The following TXNRD2 variants were observed in gnomAD, a reference collection of about 807,000 sequenced individuals.
The protein encoded by TXNRD2 is thioredoxin reductase 2.
In TXNRD2, 67 loss-of-function variants were observed where a neutral mutation model predicts 70.8. That is an observed-to-expected ratio of 0.95 (90% CI 0.78 to 1.16). TXNRD2 has a LOEUF of 1.16. Among genes scored for constraint, TXNRD2 ranks in the 50% most tolerant of loss-of-function variants. The pLI is 0.00. For synonymous variants in TXNRD2, 301 were observed against 295.8 expected, an observed-to-expected ratio of 1.02 and a Z score of -0.18; for missense variants, 644 against 719.9, an observed-to-expected ratio of 0.89 and a Z score of 1.21.
chr22:19,920,929 T>C lies in TXNRD2; in HGVS notation c.173-1330A>G, dbSNP rs191649197. ...CATCCTGGCTAACACGGTGAAACCCTGTCTCTACTAAAAAATACAAAAACA... is the reference window on the plus strand; with the variant it reads ...CATCCTGGCTAACACGGTGAAACCCCGTCTCTACTAAAAAATACAAAAACA... On this transcript the variant is annotated intron_variant, in intron 2 of 17. Transcript: ENST00000400521. 5.8e-3 allele frequency among the ~76,000 whole-genome samples: 878 copies of C among 152,040 alleles called. 8 individuals are homozygous for C. Among genetic ancestry groups the C allele is most frequent in the South Asian group, 0.032 (153 of 4,818 alleles).
intron 11 of TXNRD2, among the ~76,000 whole-genome samples, chr22:19,885,994 G>A (rs1167042594): frequency 6.6e-6 from 1 of 152,286 alleles, no homozygotes; most frequent in Non-Finnish European, 1.5e-5. Flanking sequence ...TGGGAAGTCG[G>A]TGGGAATGTA....
chr22:19,906,727 T>C (rs1045419183), intron 8 of TXNRD2, among the ~76,000 whole-genome samples: 5 of 152,082 alleles, frequency 3.3e-5, no homozygotes, highest in Admixed American at 6.5e-5. Context: ...TATCACCAAG[T>C]CCAAAGACAA....
chr22:19,918,528 C>T lies in TXNRD2; in HGVS notation c.375-311G>A, dbSNP rs188558060. Among the ~76,000 whole-genome samples the T allele has an allele frequency of 9.2e-4, 140 of 152,240 alleles. 3 individuals carry two copies. The South Asian group carries it at 0.014, about 15-fold the overall frequency. ...AGCCAATGTGGGTGTGGCTGGGCCA[C>T]GTGGTCCCCTTCCCAGAAGAGCTCA... On this transcript the variant is annotated intron_variant, in intron 4 of 17. Coordinates refer to ENST00000400521, the MANE Select transcript of TXNRD2 (RefSeq NM_006440.5).
At chr22:19,940,345 G>A (rs1341033443) in intron 1 of TXNRD2, among the ~76,000 whole-genome samples, 2 of 151,670 alleles carry the variant, frequency 1.3e-5, no homozygotes, top group Admixed American at 6.6e-5. Context: ...CTCCTCTGGC[G>A]GAAAGGAATG....
At chr22:19,886,190 C>A (rs1939022889) in intron 11 of TXNRD2, among the ~76,000 whole-genome samples, 1 of 152,218 alleles carries the variant, frequency 6.6e-6, no homozygotes, top group Non-Finnish European at 1.5e-5. Context: ...CAGCCGAGGG[C>A]ACAGTGGGGT....
intron 11 of TXNRD2, chr22:19,891,288 G>A (rs1180437032): frequency 6.6e-6 from 1 of 152,312 alleles, no homozygotes; most frequent in Non-Finnish European, 1.5e-5. Context: ...ACAGCTGCCT[G>A]GCTGTGGGAC....
At chr22:19,924,343 C>T (rs949733547) in intron 2 of TXNRD2, among the ~76,000 whole-genome samples, 3 of 152,136 alleles carry the variant, frequency 2.0e-5, no homozygotes, top group Non-Finnish European at 2.9e-5. Context: ...CCACATCTCC[C>T]GCCCACAAGC....
At chr22:19,931,186 C>CT in intron 1 of TXNRD2, 88 bp from the exon 2 acceptor site, 1 of 1,205,222 alleles carries the variant, frequency 8.3e-7, no homozygotes, top group African/African-American at 1.5e-5. Flanking sequence ...ACACTCCATT[C>CT]TGTGATGGTC....
chr22:19,929,225 G>A (rs1462902454), intron 2 of TXNRD2, among the ~76,000 whole-genome samples: 53 of 151,532 alleles, frequency 3.5e-4, no homozygotes, highest in African/African-American at 1.2e-3. Context: ...TACTCGGGAG[G>A]CTGAGACAGG....
At chr22:19,883,250 G>A in intron 12 of TXNRD2, 75 bp downstream of exon 12, 1 of 1,569,044 alleles carries the variant, frequency 6.4e-7, no homozygotes, top group Non-Finnish European at 8.7e-7. Context: ...CAGGACGGCA[G>A]CAGCCGGAGC....
chr22:19,886,648 G>C (rs927185658), intron 11 of TXNRD2, among the ~76,000 whole-genome samples: 3 of 152,254 alleles, frequency 2.0e-5, no homozygotes, highest in Admixed American at 2.0e-4. Flanking sequence ...GGGAAAGAAG[G>C]GTGCCTGCAC....
At chr22:19,934,154 A>C (rs950477809) in intron 1 of TXNRD2, among the ~76,000 whole-genome samples, 1 of 152,190 alleles carries the variant, frequency 6.6e-6, no homozygotes, top group Non-Finnish European at 1.5e-5. Flanking sequence ...TCCTGGCAGC[A>C]GGTGTTGTCA....
chr22:19,926,887 A>T (rs1391610226), intron 2 of TXNRD2, among the ~76,000 whole-genome samples: 1 of 152,150 alleles, frequency 6.6e-6, no homozygotes, highest in Non-Finnish European at 1.5e-5. Context: ...GAGAGGGGGG[A>T]AGAGACTGAC....
intron 1 of TXNRD2, among the ~76,000 whole-genome samples, chr22:19,934,433 A>G (rs2146100795): frequency 6.6e-6 from 1 of 150,838 alleles, no homozygotes; most frequent in East Asian, 2.0e-4. Context: ...AGTGGCTCAC[A>G]CCTGTGTTGC....
intron 11 of TXNRD2, among the ~76,000 whole-genome samples, chr22:19,886,738 G>A (rs1569075288): frequency 6.6e-6 from 1 of 152,266 alleles, no homozygotes; most frequent in South Asian, 2.1e-4. Context: ...CCCATGGGGC[G>A]GCTCTGTGCT....
At chr22:19,932,424 C>T in intron 1 of TXNRD2, 1 of 1,612,444 alleles carries the variant, frequency 6.2e-7, no homozygotes. Context: ...CAAAAGGTGT[C>T]ATCGTGTCTA....
At chr22:19,914,772 G>T (rs1940559897) in intron 7 of TXNRD2, 12 of 281,220 alleles carry the variant, frequency 4.3e-5, no homozygotes, top group South Asian at 4.0e-4. Context: ...CCACTGAATT[G>T]TACCCTAAAA....
chr22:19,881,502 C>A (rs75598332), intron 12 of TXNRD2: 1,728 of 167,102 alleles, frequency 0.01, 32 homozygotes, highest in African/African-American at 0.039. Flanking sequence ...GGTGTTAACT[C>A]TTTGGACTAT....
At chr22:19,876,846 C>T (rs1157976716) in intron 17 of TXNRD2, 194 bp downstream of exon 17, 1 of 391,126 alleles carries the variant, frequency 2.6e-6, no homozygotes, top group African/African-American at 2.0e-5. Context: ...CTGGGGTCCC[C>T]CGGGGAGGTT....
Sources: allele counts gnomAD v4.1 joint callset (sites outside exome capture counted in the v4.1 genomes callset), GRCh38; gene constraint gnomAD v4.1.1; transcripts MANE v1.5; gene names NCBI Gene and HGNC (gene_info 2026-07-23, HGNC 2026-07-21).